JDP2: variants seen among roughly 807,000 people sequenced by gnomAD.
The protein encoded by JDP2 is Jun dimerization protein 2, also known as progesterone receptor co-activator.
Under a neutral mutation model 17.1 loss-of-function variants are expected in JDP2, and 9 were observed. The ratio of observed to expected loss-of-function variants is 0.53; its 90% CI spans 0.32 to 0.92. The LOEUF (loss-of-function observed/expected upper bound fraction) is 0.92, where lower values mean the gene tolerates loss of function less well. Ranked by LOEUF, JDP2 falls within the 40% of genes least tolerant of loss-of-function variation. The pLI is 0.04. For synonymous variants in JDP2, 107 were observed against 95.6 expected (o/e 1.12, Z -0.69); for missense variants, 179 against 220.0 (o/e 0.81, Z 1.18).
intron 2 of JDP2, among the ~76,000 whole-genome samples, chr14:75,454,346 G>A (rs1454266966): frequency 1.3e-5 from 2 of 152,236 alleles, no homozygotes; most frequent in Non-Finnish European, 2.9e-5. Context: ...ACCTGGATAC[G>A]AGTCCTGCGC....
At position 75,439,279 on chromosome 14, in the gene JDP2, G is replaced by A. The variant is rs147403793; in HGVS notation, c.201+1158G>A. ...GCTTGGCTGTGGTGGCAAACTGGCC[G>A]TGGTGGCAAACTGGCCATTTGCAGG... On this transcript the variant is annotated intron_variant, in intron 2 of 3. Transcript: ENST00000651602. Among the ~76,000 whole-genome samples the A allele has an allele frequency of 7.6e-3, 1,155 of 151,826 alleles. 7 individuals are homozygous for A. The highest frequency in any genetic ancestry group is 0.012 in the Admixed American group (188 of 15,288).
rs1310248602 is a variant in JDP2, at chr14:75,440,134, T to C, written c.201+2013T>C. 2.0e-5 allele frequency among the ~76,000 whole-genome samples: 3 copies of C among 152,364 alleles called. No homozygotes were observed. In the East Asian group the frequency reaches 5.8e-4, roughly 29 times the overall value. ...TGCCCTGTACCCGACAGTGACGTGC[T>C]GTCCTCACAGGCACCCACAGACGTG... On this transcript the variant is annotated intron_variant, in intron 2 of 3. Transcript: ENST00000651602.
intron 2 of JDP2, among the ~76,000 whole-genome samples, chr14:75,449,238 G>A (rs1242176707): frequency 2.6e-5 from 4 of 152,206 alleles, no homozygotes; most frequent in Non-Finnish European, 5.9e-5. Context: ...CCTTCATGAT[G>A]AAAGACAAAT....
chr14:75,443,414 T>C (rs1885449425), intron 2 of JDP2, among the ~76,000 whole-genome samples: 1 of 152,232 alleles, frequency 6.6e-6, no homozygotes, highest in Non-Finnish European at 1.5e-5. Context: ...TTCTTCCCCC[T>C]GACTCAGATG....
intron 3 of JDP2, among the ~76,000 whole-genome samples, chr14:75,467,053 G>T (rs1175574693): frequency 6.6e-6 from 1 of 152,102 alleles, no homozygotes; most frequent in African/African-American, 2.4e-5. Context: ...GATAACTGAG[G>T]CTCAGAGAAG....
At chr14:75,436,448 A>T (rs934052828) in intron 1 of JDP2, among the ~76,000 whole-genome samples, 11 of 152,238 alleles carry the variant, frequency 7.2e-5, no homozygotes, top group Non-Finnish European at 1.5e-4. Flanking sequence ...TTCCCTCAGG[A>T]GTGCTAAGCC....
chr14:75,440,309 G>A (rs1355915023), intron 2 of JDP2, among the ~76,000 whole-genome samples: 2 of 152,188 alleles, frequency 1.3e-5, no homozygotes, highest in Non-Finnish European at 2.9e-5. Context: ...CCTGCACTGC[G>A]AACCGACCTC....
At position 75,469,810 on chromosome 14, in the gene JDP2, C is replaced by T. The variant is rs886688268; in HGVS notation, c.*335C>T. 8.7e-6 allele frequency: 2 copies of T among 231,040 alleles called. No homozygotes were observed. The highest frequency in any genetic ancestry group is 1.7e-5 in the Non-Finnish European group (2 of 117,916). 14.3% of individuals were successfully genotyped at this position (231,040 alleles called of 1,614,324 possible). ...GAGGCAGCCCTGGGCTCTTCTCTGG[C>T]CTCTTCACCAGGGCACCCATCCAAG... On this transcript the variant is annotated 3_prime_UTR_variant, in exon 4 of 4. Coordinates refer to ENST00000651602, the MANE Select transcript of JDP2 (RefSeq NM_001135048.2).
At chr14:75,439,966 G>T (rs1885260399) in intron 2 of JDP2, among the ~76,000 whole-genome samples, 2 of 152,200 alleles carry the variant, frequency 1.3e-5, no homozygotes, top group Admixed American at 1.3e-4. Context: ...GGATTCGCCT[G>T]GGGGGCTGAG....
At chr14:75,445,563 G>T in intron 2 of JDP2, 2 of 985,392 alleles carry the variant, frequency 2.0e-6, no homozygotes, top group Non-Finnish European at 2.4e-6. Context: ...GAATAGTTTG[G>T]CTCTGGAGAG....
At position 75,470,999 on chromosome 14, in the gene JDP2, A is replaced by G. The variant is rs557097387; in HGVS notation, c.*1524A>G. 1 of 152,382 alleles carries G rather than the reference A, an allele frequency of 6.6e-6. No homozygotes were observed. The highest frequency in any genetic ancestry group is 2.4e-5 in the African/African-American group (1 of 41,578). The allele number at this position is 152,382 out of a possible 1,614,324, so 9.4% of individuals were successfully genotyped here. On this transcript the variant is annotated 3_prime_UTR_variant, in exon 4 of 4. Transcript: ENST00000651602. ...GGTTTAACTGAGGCTCAGAGAAGGT[A>G]AGCGACTTATCCAAGGTAACCCAGC...
chr14:75,450,543 C>T (rs539587796), intron 2 of JDP2, among the ~76,000 whole-genome samples: 2 of 152,376 alleles, frequency 1.3e-5, no homozygotes, highest in South Asian at 2.1e-4. Context: ...CCTCTGCCAG[C>T]TCTTGTTCAG....
At chr14:75,457,753 G>C (rs1307635230) in intron 2 of JDP2, among the ~76,000 whole-genome samples, 1 of 152,178 alleles carries the variant, frequency 6.6e-6, no homozygotes, top group Non-Finnish European at 1.5e-5. Flanking sequence ...AGCTGTCAGG[G>C]GCCTGTGCCC....
At position 75,469,392 on chromosome 14, in the gene JDP2, C is replaced by A; in HGVS notation, c.409C>A (p.Pro137Thr). 1 of 1,614,114 alleles carries A rather than the reference C, an allele frequency of 6.2e-7. No individual in the cohort carries two copies. Among genetic ancestry groups the A allele is most frequent in the African/African-American group, 1.3e-5 (1 of 75,036 alleles). The change falls in exon 4 of 4, where the codon CCC becomes ACC. Residue 137 changes from proline (P) to threonine (T), a missense_variant. Transcript: ENST00000651602. ...QLILMLNRHR[P>T]TCIVRTDSVK... The stretch of plus-strand genomic sequence containing the variant: ...CATCCTGATGCTGAACCGACACCGC[C>A]CCACCTGCATCGTCCGGACCGACAG...
At chr14:75,453,741 C>A (rs1427839456) in intron 2 of JDP2, among the ~76,000 whole-genome samples, 1 of 152,176 alleles carries the variant, frequency 6.6e-6, no homozygotes. Flanking sequence ...TTAAAGACCA[C>A]CCCCCAACCC....
At chr14:75,431,951 C>T (rs1406181549) in intron 1 of JDP2, among the ~76,000 whole-genome samples, 1 of 152,236 alleles carries the variant, frequency 6.6e-6, no homozygotes, top group Non-Finnish European at 1.5e-5. Flanking sequence ...CCATACAGGG[C>T]AAATAACATT....
At chr14:75,431,925 T>G (rs1036580001) in intron 1 of JDP2, among the ~76,000 whole-genome samples, 29 of 152,376 alleles carry the variant, frequency 1.9e-4, no homozygotes, top group African/African-American at 7.0e-4. Context: ...ATTAACTAAT[T>G]TAATCCTCTT....
chr14:75,440,299 C>G (rs1315247784), intron 2 of JDP2, among the ~76,000 whole-genome samples: 1 of 152,192 alleles, frequency 6.6e-6, no homozygotes, highest in Non-Finnish European at 1.5e-5. Context: ...AGATGCCAGC[C>G]CTGCACTGCG....
At chr14:75,442,526 T>C (rs1334030825) in intron 2 of JDP2, among the ~76,000 whole-genome samples, 18 of 152,238 alleles carry the variant, frequency 1.2e-4, no homozygotes, top group Admixed American at 1.2e-3. Context: ...ATGAGCTGTG[T>C]CAACTTGGCA....
Sources: gnomAD v4.1 joint callset for allele counts (sites outside exome capture counted in the v4.1 genomes callset) on GRCh38, gnomAD v4.1.1 for gene constraint, MANE v1.5 for transcripts, NCBI Gene and HGNC (gene_info 2026-07-23, HGNC 2026-07-21) for gene names.